LAYN: variants seen among roughly 807,000 people sequenced by gnomAD.
LAYN encodes layilin.
A neutral mutation model predicts 43.6 loss-of-function variants in LAYN; 38 were observed. The observed-to-expected ratio is 0.87, with a 90% CI of 0.67 to 1.14. The LOEUF is 1.14. LAYN is among the 50% of genes most tolerant of loss of function. LAYN has a pLI of 0.00. For synonymous variants in LAYN, 168 were observed against 172.9 expected (o/e 0.97, Z 0.22); for missense variants, 479 against 463.8 (o/e 1.03, Z -0.30).
At chr11:111,555,445 T>A (rs549033382) in intron 5 of LAYN, among the ~76,000 whole-genome samples, 155 bp downstream of exon 5, 14 of 152,290 alleles carry the variant, frequency 9.2e-5, no homozygotes, top group African/African-American at 3.4e-4. Context: ...TACTAAATGC[T>A]AGGTTTCATC....
rs536305133 is a variant in LAYN at position 111,541,632 on chromosome 11, G to C, written c.85+704G>C. 3.5e-5 allele frequency: 53 copies of C among 1,509,620 alleles called. No homozygotes were observed. In the African/African-American group the frequency reaches 4.5e-4, roughly 13 times the overall value. The allele number at this position is 1,509,620 out of a possible 1,614,324, so 93.5% of individuals were successfully genotyped here. A position where few individuals can be genotyped will look rare whatever the true frequency, so the allele number is the denominator to read the frequency against. On this transcript the variant is annotated intron_variant, in intron 1 of 6. Coordinates refer to ENST00000375614, the MANE Select transcript of LAYN (RefSeq NM_178834.5). ...CTTCTTTCAGTTGTTCTGCATGTCG[G>C]GGGGAGAACATCCGTGCCCTTTTCT...
chr11:111,549,820 T>C (rs778327708), intron 3 of LAYN, 45 bp downstream of exon 3: 9 of 1,559,240 alleles, frequency 5.8e-6, no homozygotes, highest in Non-Finnish European at 7.8e-6. Flanking sequence ...TCTCAACTTC[T>C]CTCATTTCAT....
chr11:111,551,297 C>A lies in LAYN; in HGVS notation c.541+1522C>A, dbSNP rs60217348. 2,175 of 456,074 alleles carry A rather than the reference C, an allele frequency of 4.8e-3. 49 individuals carry two copies. Among genetic ancestry groups the A allele is most frequent in the African/African-American group, 0.039 (1,958 of 50,156 alleles). 28.3% of individuals were successfully genotyped at this position (456,074 alleles called of 1,614,324 possible). ...TACTGAGACTTCTCTTTCCTTCTAT[C>A]CTCTGACCTTCTGCCTTTGCCTCTC... On this transcript the variant is annotated intron_variant, in intron 3 of 6. Coordinates refer to ENST00000375614, the MANE Select transcript of LAYN (RefSeq NM_178834.5).
intron 1 of LAYN, chr11:111,541,239 G>T (rs1867531222): frequency 5.1e-6 from 3 of 591,398 alleles, no homozygotes; most frequent in Admixed American, 3.0e-5. Context: ...TGCCCCAGTG[G>T]GTGCCCCTTC....
Position 111,544,002 on chromosome 11 carries a change from C to T in LAYN, c.165C>T (p.Asn55=). 6.2e-7 allele frequency: 1 copy of T among 1,614,198 alleles called. No individual in the cohort carries two copies. The highest frequency in any genetic ancestry group is 2.2e-5 in the East Asian group (1 of 44,880). Residue 55 remains asparagine (N), a synonymous_variant, in exon 2 of 7, where the codon AAC becomes AAT. Coordinates refer to ENST00000375614, the MANE Select transcript of LAYN (RefSeq NM_178834.5). The part of the protein sequence containing the change: ...IYFHDTSRRL[N]FEEAKEACRR... ...TCCATGATACTTCTCGAAGACTGAA[C>T]TTTGAGGAAGCCAAAGAAGCCTGCA...
At chr11:111,553,996 T>C (rs975633319) in intron 3 of LAYN, among the ~76,000 whole-genome samples, 2 of 152,190 alleles carry the variant, frequency 1.3e-5, no homozygotes, top group African/African-American at 2.4e-5. Flanking sequence ...TCAAGACACT[T>C]TGAAATATGT....
intron 5 of LAYN, 25 bp from the exon 6 acceptor site, chr11:111,557,516 G>T: frequency 6.3e-7 from 1 of 1,580,070 alleles, no homozygotes; most frequent in Non-Finnish European, 8.7e-7. Flanking sequence ...AGCCAATGCT[G>T]ATCATGTGCT....
intron 6 of LAYN, among the ~76,000 whole-genome samples, chr11:111,559,441 T>TTTATTTTATTTTA (rs1441805755): frequency 6.6e-6 from 1 of 151,772 alleles, no homozygotes; most frequent in Non-Finnish European, 1.5e-5. Flanking sequence ...TTGGTTTTAT[T>TTTATTTTATTTTA]TTATTTTATT....
rs771845529 is a variant in LAYN, at chr11:111,555,296, T to C, written c.658+6T>C. 3 of 1,593,226 alleles carry C rather than the reference T, an allele frequency of 1.9e-6. No homozygotes were observed. Among genetic ancestry groups the C allele is most frequent in the Non-Finnish European group, 2.6e-6 (3 of 1,161,642 alleles). On this transcript the variant is annotated splice_donor_region_variant and intron_variant, in intron 5 of 6. Coordinates refer to ENST00000375614, the MANE Select transcript of LAYN (RefSeq NM_178834.5). ...AACATTTAAAGAAAGTAGAGGTATC[T>C]ACAAAACTCTCCTGGGAAAGATGAA...
chr11:111,559,058 T>G (rs1336875571), intron 6 of LAYN, among the ~76,000 whole-genome samples: 1 of 152,090 alleles, frequency 6.6e-6, no homozygotes. Flanking sequence ...AGTGCTAGGA[T>G]TACAGGCATG....
At position 111,557,732 on chromosome 11, in the gene LAYN, G is replaced by A. The variant is rs186572848; in HGVS notation, c.761+89G>A. ...CCTTGTTTACTTCATTAAAACCCAC[G>A]GCAGCACCAAGAGTATCACCATTGC... On this transcript the variant is annotated intron_variant, in intron 6 of 6. Transcript: ENST00000375614. 2.3e-5 allele frequency: 25 copies of A among 1,065,488 alleles called. No homozygotes were observed. In the East Asian group the frequency reaches 2.4e-4, roughly 10 times the overall value. The allele number at this position is 1,065,488 out of a possible 1,614,324, so 66.0% of individuals were successfully genotyped here.
At chr11:111,545,906 A>G (rs1242186808) in intron 2 of LAYN, among the ~76,000 whole-genome samples, 2 of 152,168 alleles carry the variant, frequency 1.3e-5, no homozygotes, top group African/African-American at 2.4e-5. Flanking sequence ...ACCAAGTGCT[A>G]TGTTGGTGTC....
chr11:111,558,181 G>A (rs1867878469), intron 6 of LAYN, among the ~76,000 whole-genome samples: 1 of 152,158 alleles, frequency 6.6e-6, no homozygotes, highest in Non-Finnish European at 1.5e-5. Context: ...TCTGTATATG[G>A]TCAGGATCGT....
intron 3 of LAYN, among the ~76,000 whole-genome samples, chr11:111,553,633 A>AAC (rs1555017962): frequency 6.6e-6 from 1 of 151,424 alleles, no homozygotes; most frequent in African/African-American, 2.4e-5. Flanking sequence ...AAAAAAAAAA[A>AAC]AACAACACTT....
chr11:111,552,057 C>T (rs115267782), intron 3 of LAYN, among the ~76,000 whole-genome samples: 2,343 of 151,188 alleles, frequency 0.015, 72 homozygotes, highest in African/African-American at 0.053. Flanking sequence ...CACACATAAA[C>T]GTGTGTATGT....
At position 111,555,199 on chromosome 11, in the gene LAYN, C is replaced by T. The variant is rs899615447; in HGVS notation, c.575-8C>T. 3.1e-6 allele frequency: 5 copies of T among 1,607,186 alleles called. No individual in the cohort carries two copies. The highest frequency in any genetic ancestry group is 4.3e-6 in the Non-Finnish European group (5 of 1,173,964). On this transcript the variant is annotated splice_polypyrimidine_tract_variant and splice_region_variant and intron_variant, in intron 4 of 6. Transcript: ENST00000375614. ...TTCAAGTTCACAAGTCCATGTGTCT[C>T]TCTCCAGGTGAGGAAACAGAGCTGA...
chr11:111,553,327 G>C (rs998267939), intron 3 of LAYN, among the ~76,000 whole-genome samples: 19 of 152,144 alleles, frequency 1.2e-4, no homozygotes, highest in African/African-American at 4.6e-4. Context: ...AAAACACTTA[G>C]AACAGCCCAG....
At chr11:111,551,354 A>C (rs895865461) in intron 3 of LAYN, 1 of 456,176 alleles carries the variant, frequency 2.2e-6, no homozygotes, top group Non-Finnish European at 4.4e-6. Context: ...ACCAAAGAAC[A>C]AGGGAACAAG....
chr11:111,543,956 C>A lies in LAYN; in HGVS notation c.119C>A (p.Pro40His), dbSNP rs1867595547. The change falls in exon 2 of 7, where the codon CCT becomes CAT. Residue 40 changes from proline (P) to histidine (H), a missense_variant. By Grantham distance (77) the Pro-to-His change is moderately conservative (BLOSUM62 -2). Coordinates refer to ENST00000375614, the MANE Select transcript of LAYN (RefSeq NM_178834.5). The stretch of plus-strand genomic sequence containing the variant: ...GTCTGCCGGGGAGGGACACAGAGGC[C>A]TTGTTATAAAGTCATTTACTTCCAT... ...QPVCRGGTQR[P>H]CYKVIYFHDT... 2 of 1,613,796 alleles carry A rather than the reference C, an allele frequency of 1.2e-6. No homozygotes were observed. Among genetic ancestry groups the A allele is most frequent in the African/African-American group, 2.7e-5 (2 of 74,962 alleles).
Sources: allele counts gnomAD v4.1 joint callset (sites outside exome capture counted in the v4.1 genomes callset), GRCh38; gene constraint gnomAD v4.1.1; transcripts MANE v1.5; gene names NCBI Gene and HGNC (gene_info 2026-07-23, HGNC 2026-07-21).